SLC28A3: variants seen among roughly 807,000 people sequenced by gnomAD.
SLC28A3 encodes the protein solute carrier family 28 member 3, also known as concentrative Na(+)-nucleoside cotransporter 3.
A neutral mutation model predicts 84.2 loss-of-function variants in SLC28A3; 68 were observed. The observed-to-expected ratio is 0.81, with a 90% CI of 0.66 to 0.99. The LOEUF is 0.99. Among genes scored for constraint, SLC28A3 ranks in the 50% least tolerant of loss-of-function variants. The pLI is 0.00. For synonymous variants in SLC28A3, 267 were observed against 303.6 expected (o/e 0.88, Z 1.25); for missense variants, 712 against 841.5 (o/e 0.85, Z 1.90).
At chr9:84,291,587 T>C (rs1825224937) in intron 10 of SLC28A3, among the ~76,000 whole-genome samples, 1 of 152,160 alleles carries the variant, frequency 6.6e-6, no homozygotes, top group Non-Finnish European at 1.5e-5. Context: ...CTGCCCGCCT[T>C]GGCCTCCCAA....
intron 1 of SLC28A3, among the ~76,000 whole-genome samples, chr9:84,339,845 C>T (rs1448796122): frequency 6.6e-6 from 1 of 152,166 alleles, no homozygotes; most frequent in African/African-American, 2.4e-5. Flanking sequence ...CCTTTCTTGG[C>T]TAGCACCTCA....
intron 4 of SLC28A3, among the ~76,000 whole-genome samples, chr9:84,304,546 G>C (rs1406018123): frequency 6.6e-6 from 1 of 152,156 alleles, no homozygotes; most frequent in Non-Finnish European, 1.5e-5. Context: ...GTAAAAACAG[G>C]AGACATTCTT....
Position 84,303,383 on chromosome 9 carries a change from C to T in SLC28A3, c.335-994G>A, listed in dbSNP as rs370858368. ...TTGCCCAGGATAAAGTGCAATGGTG[C>T]GATCTCGGCTCACTGCAACCTCCAC... On this transcript the variant is annotated intron_variant, in intron 4 of 17. Coordinates refer to ENST00000376238, the MANE Select transcript of SLC28A3 (RefSeq NM_001199633.2). Among the ~76,000 whole-genome samples, 12 of 152,252 alleles carry T rather than the reference C, an allele frequency of 7.9e-5. No homozygotes were observed. In the East Asian group the frequency reaches 9.7e-4, roughly 12 times the overall value.
At chr9:84,284,069 C>A (rs1824878077) in intron 14 of SLC28A3, among the ~76,000 whole-genome samples, 1 of 152,320 alleles carries the variant, frequency 6.6e-6, no homozygotes, top group African/African-American at 2.4e-5. Flanking sequence ...CTCGTAATAA[C>A]CTTTCCACAA....
chr9:84,361,709 C>G, the SLC28A3 span, among the ~76,000 whole-genome samples: 46 of 151,888 alleles, frequency 3.0e-4, no homozygotes, highest in Middle Eastern at 3.4e-3. Flanking sequence ...TAGATTCCCC[C>G]CAAAAGAGGC....
the SLC28A3 span, among the ~76,000 whole-genome samples, chr9:84,359,037 C>G: frequency 2.6e-5 from 4 of 152,286 alleles, no homozygotes; most frequent in South Asian, 2.1e-4. Context: ...CTCCTGACTT[C>G]AAGTGATCCG....
In SLC28A3 at chr9:84,302,129, A is replaced by C. The variant is rs577658246; in HGVS notation, c.524+71T>G. The C allele has an allele frequency of 1.1e-5, 17 of 1,487,036 alleles. 1 individual carries two copies. Among genetic ancestry groups the C allele is most frequent in the Middle Eastern group, 1.8e-4 (1 of 5,662 alleles). The allele number at this position is 1,487,036 out of a possible 1,614,324, so 92.1% of individuals were successfully genotyped here. ...ATAAATGAGGAAGCAATTTCAGAAC[A>C]AATTTTTGAAACGGTGTTGGAAAGG... On this transcript the variant is annotated intron_variant, in intron 5 of 17. Transcript: ENST00000376238.
At chr9:84,342,477 A>G (rs888903771), upstream of SLC28A3, among the ~76,000 whole-genome samples, 7 of 151,922 alleles carry the variant, frequency 4.6e-5, no homozygotes, top group African/African-American at 1.7e-4. Context: ...GGAGTGCATG[A>G]TCATGGCTTG....
intron 2 of SLC28A3, among the ~76,000 whole-genome samples, chr9:84,312,397 CT>C (rs1167857364): frequency 6.6e-6 from 1 of 152,100 alleles, no homozygotes; most frequent in African/African-American, 2.4e-5. Context: ...TAGGCACTGA[CT>C]TTTTTTCTTG....
At chr9:84,321,452 G>C (rs934420464) in intron 1 of SLC28A3, among the ~76,000 whole-genome samples, 4 of 152,006 alleles carry the variant, frequency 2.6e-5, no homozygotes, top group Non-Finnish European at 5.9e-5. Flanking sequence ...AAACATTATA[G>C]GCGGGGCGCA....
intron 1 of SLC28A3, among the ~76,000 whole-genome samples, chr9:84,320,971 GA>G (rs58560056): frequency 7.6e-4 from 98 of 128,418 alleles, no homozygotes; most frequent in Admixed American, 1.4e-3. Context: ...CATCTCAAAA[GA>G]AAAAAAAAAA....
chr9:84,305,226 G>A, intron 4 of SLC28A3, 28 bp downstream of exon 4: 1 of 1,492,534 alleles, frequency 6.7e-7, no homozygotes, highest in Admixed American at 1.9e-5. Flanking sequence ...AAAAGACAGT[G>A]GTATCCCTAA....
the SLC28A3 span, among the ~76,000 whole-genome samples, chr9:84,348,655 G>A: frequency 6.6e-6 from 1 of 152,196 alleles, no homozygotes; most frequent in African/African-American, 2.4e-5. Context: ...TAAAGAGGTA[G>A]GATCTTTAAG....
At chr9:84,316,818 T>C (rs573889734) in intron 1 of SLC28A3, among the ~76,000 whole-genome samples, 1 of 152,014 alleles carries the variant, frequency 6.6e-6, no homozygotes, top group East Asian at 1.9e-4. Context: ...CTGGCCAATA[T>C]GGTAACACCT....
At chr9:84,314,253 A>C (rs959348517) in intron 1 of SLC28A3, among the ~76,000 whole-genome samples, 1 of 152,092 alleles carries the variant, frequency 6.6e-6, no homozygotes, top group African/African-American at 2.4e-5. Flanking sequence ...TACTTTAAGG[A>C]ACTGAACGAG....
intron 16 of SLC28A3, 21 bp downstream of exon 16, chr9:84,279,954 A>G (rs776466406): frequency 3.7e-6 from 6 of 1,611,530 alleles, no homozygotes; most frequent in East Asian, 4.5e-5. Flanking sequence ...GCACTGGGAC[A>G]CAAAGGACAG....
At chr9:84,292,627 C>T in intron 10 of SLC28A3, 41 bp downstream of exon 10, 1 of 1,478,834 alleles carries the variant, frequency 6.8e-7, no homozygotes, top group Non-Finnish European at 9.3e-7. Context: ...AGAGACGATC[C>T]ATTTCAACAG....
rs768325217 is a variant in SLC28A3 at position 84,278,117 on chromosome 9, T to C, written c.*101A>G. On this transcript the variant is annotated 3_prime_UTR_variant, in exon 18 of 18. Coordinates refer to ENST00000376238, the MANE Select transcript of SLC28A3 (RefSeq NM_001199633.2). The stretch of plus-strand genomic sequence containing the variant: ...CTTGCAATTAAAGCTGATTCCATTA[T>C]GGAAGCATCAATCTGTGGACAATAG... The C allele has an allele frequency of 1.1e-4, 152 of 1,421,296 alleles. No individual in the cohort carries two copies. Among genetic ancestry groups the C allele is most frequent in the South Asian group, 8.9e-5 (6 of 67,732 alleles). 88.0% of individuals were successfully genotyped at this position (1,421,296 alleles called of 1,614,324 possible). A position where few individuals can be genotyped will look rare whatever the true frequency, so the allele number is the denominator to read the frequency against.
chr9:84,276,050 G>GAAAT lies in SLC28A3; in HGVS notation c.*2164_*2167dup, dbSNP rs901942245. The GAAAT allele has an allele frequency of 2.6e-5, 4 of 152,114 alleles. No homozygotes were observed. Among genetic ancestry groups the GAAAT allele is most frequent in the African/African-American group, 7.2e-5 (3 of 41,418 alleles). 9.4% of individuals were successfully genotyped at this position (152,114 alleles called of 1,614,324 possible). ...ACCAATATGGTAGCCACTAATACCT[G>GAAAT]AAATATGGAGTAACCAAGTAACAAA... On this transcript the variant is annotated 3_prime_UTR_variant, in exon 18 of 18. Coordinates refer to ENST00000376238, the MANE Select transcript of SLC28A3 (RefSeq NM_001199633.2).
Sources: allele counts gnomAD v4.1 joint callset (sites outside exome capture counted in the v4.1 genomes callset), GRCh38; gene constraint gnomAD v4.1.1; transcripts MANE v1.5; gene names NCBI Gene and HGNC (gene_info 2026-07-23, HGNC 2026-07-21).